Variants in UNKL observed in about 807,000 individuals in gnomAD.
UNKL encodes unk like zinc finger.
UNKL carries 60 observed loss-of-function variants against 78.0 expected under a neutral mutation model. That is an observed-to-expected ratio of 0.77 (90% CI 0.63 to 0.95). The LOEUF is 0.95. UNKL is among the 40% of genes least tolerant of loss of function. The probability of loss-of-function intolerance (pLI) is 0.00; values close to 1 mark genes in which losing one functional copy is unlikely to be tolerated. For synonymous variants in UNKL, 608 were observed against 474.8 expected (o/e 1.28, Z -3.65); for missense variants, 1,159 against 1,045.7 (o/e 1.11, Z -1.49).
At chr16:1,401,365 G>A (rs751081391) in intron 4 of UNKL, 18 of 531,592 alleles carry the variant, frequency 3.4e-5, no homozygotes, top group Non-Finnish European at 4.1e-5. Flanking sequence ...GAGCAGGTGC[G>A]GGGGAAGGCG....
intron 9 of UNKL, among the ~76,000 whole-genome samples, chr16:1,390,056 G>A (rs566638604): frequency 2.6e-5 from 4 of 152,204 alleles, no homozygotes; most frequent in South Asian, 2.1e-4. Context: ...GCACGATCTC[G>A]GCTCACTGCA....
Position 1,366,512 on chromosome 16 carries a change from CAG to C in UNKL, c.2047-119_2047-118del, listed in dbSNP as rs1050130359. Reference sequence around the variant, plus strand: ...TCTCAGGCCGCCCGGCCACCAGCTACAGAGACAGGGTCAGGGAGACGCCCCAG... The same window carrying C: ...TCTCAGGCCGCCCGGCCACCAGCTACAGACAGGGTCAGGGAGACGCCCCAG... On this transcript the variant is annotated intron_variant, in intron 14 of 14. Coordinates refer to ENST00000389221, the MANE Select transcript of UNKL (RefSeq NM_001372107.1). The C allele has an allele frequency of 3.8e-6, 5 of 1,327,726 alleles. No individual in the cohort carries two copies. The African/African-American group carries it at 7.4e-5, about 20-fold the overall frequency. 82.2% of individuals were successfully genotyped at this position (1,327,726 alleles called of 1,614,324 possible).
At chr16:1,395,830 T>C (rs1294581196) in intron 6 of UNKL, 2 of 441,818 alleles carry the variant, frequency 4.5e-6, no homozygotes, top group Admixed American at 4.8e-5. Context: ...CACCATTGAG[T>C]GTGTGGTCAC....
chr16:1,414,173 A>G (rs1041848410), intron 1 of UNKL, 118 bp from the exon 2 acceptor site: 131 of 1,039,416 alleles, frequency 1.3e-4, no homozygotes, highest in Non-Finnish European at 1.7e-4. Context: ...CCGTACTCAC[A>G]TTCCCGGCGG....
chr16:1,414,517 GGGGGGCGC>G, intron 1 of UNKL, 90 bp downstream of exon 1: 1 of 267,388 alleles, frequency 3.7e-6, no homozygotes, highest in Non-Finnish European at 5.8e-6. Flanking sequence ...CGCGGAGGCC[GGGGGGCGC>G]GGGGGCGGCG....
At chr16:1,367,498 CTCCCTCCCTCCCT>C in intron 13 of UNKL, 145 bp downstream of exon 13, 1 of 775,206 alleles carries the variant, frequency 1.3e-6, no homozygotes, top group Non-Finnish European at 1.9e-6. Context: ...CCCTCCCTCC[CTCCCTCCCTCCCT>C]CCCCCTCCCG....
intron 5 of UNKL, chr16:1,398,657 A>C: frequency 2.1e-6 from 3 of 1,426,960 alleles, no homozygotes; most frequent in Non-Finnish European, 2.8e-6. Flanking sequence ...TGGCCCAGGC[A>C]TCCAGACACC....
At chr16:1,367,499 TCCCTCCC>T in intron 13 of UNKL, 150 bp from the exon 14 acceptor site, 1 of 101,222 alleles carries the variant, frequency 9.9e-6, no homozygotes, top group Non-Finnish European at 1.4e-5. Context: ...CCTCCCTCCC[TCCCTCCC>T]TCCCTCCCCC....
chr16:1,371,671 T>C, intron 10 of UNKL, 60 bp from the exon 11 acceptor site: 1 of 1,506,028 alleles, frequency 6.6e-7, no homozygotes, highest in Non-Finnish European at 8.9e-7. Flanking sequence ...TCAGGAAGCC[T>C]AGCTGAGGAG....
At position 1,367,133 on chromosome 16, in the gene UNKL, G is replaced by A; in HGVS notation, c.2005C>T (p.Leu669=). 2 of 1,595,352 alleles carry A rather than the reference G, an allele frequency of 1.3e-6. No homozygotes were observed. The highest frequency in any genetic ancestry group is 1.7e-6 in the Non-Finnish European group (2 of 1,173,754). ...GTIPLPKLHS[L]QSQLRLDLEA... Reference sequence around the variant, plus strand: ...AGGTCCAGGCGCAGCTGACTCTGCAGCGAGTGCAGCTTCGGCAGGGGAATG... The same window carrying A: ...AGGTCCAGGCGCAGCTGACTCTGCAACGAGTGCAGCTTCGGCAGGGGAATG... Residue 669 remains leucine, a synonymous_variant, in exon 14 of 15, where the codon CTG becomes TTG. Transcript: ENST00000389221.
At chr16:1,378,342 G>A (rs540628031) in intron 10 of UNKL, among the ~76,000 whole-genome samples, 83 of 152,336 alleles carry the variant, frequency 5.4e-4, no homozygotes, top group African/African-American at 1.9e-3. Flanking sequence ...TCGGGAACCT[G>A]GACCTGCCCT....
In UNKL at chr16:1,370,212, G is replaced by A. The variant is rs2035688991; in HGVS notation, c.1503C>T (p.Ala501=). The A allele has an allele frequency of 2.0e-6, 3 of 1,529,926 alleles. No homozygotes were observed. The highest frequency in any genetic ancestry group is 1.4e-5 in the African/African-American group (1 of 72,654). 94.8% of individuals were successfully genotyped at this position (1,529,926 alleles called of 1,614,324 possible). A position where few individuals can be genotyped will look rare whatever the true frequency, so the allele number is the denominator to read the frequency against. ...GTGGCGGCTGCTGGGGAGGCGTCAT[G>A]GCTGAGGAGCCCACCGGCCCTGGGA... ...QPLPGPVGSS[A]MTPPQQPPPL... is the part of the protein sequence containing the mutation. The change falls in exon 12 of 15, where the codon GCC becomes GCT. Residue 501 remains alanine (A), a synonymous_variant. Coordinates refer to ENST00000389221, the MANE Select transcript of UNKL (RefSeq NM_001372107.1).
chr16:1,392,359 A>G (rs1052934007), intron 8 of UNKL, among the ~76,000 whole-genome samples: 1 of 151,752 alleles, frequency 6.6e-6, no homozygotes, highest in Non-Finnish European at 1.5e-5. Flanking sequence ...TGCATAACCA[A>G]CCTCACTGAA....
At chr16:1,379,313 G>T (rs1028722813) in intron 10 of UNKL, 1 of 205,472 alleles carries the variant, frequency 4.9e-6, no homozygotes, top group Non-Finnish European at 8.5e-6. Context: ...CTCCTGCCCC[G>T]CTCCGCTCCG....
Position 1,363,235 on chromosome 16 carries a change from C to G in UNKL, c.*3005G>C, listed in dbSNP as rs1279786739. ...TTCAAGGTTTTAATTAATTCCCATA[C>G]TGATAAAAATAACTCCATGAATTCT... On this transcript the variant is annotated 3_prime_UTR_variant, in exon 15 of 15. Transcript: ENST00000389221. 4 of 724,542 alleles carry G rather than the reference C, an allele frequency of 5.5e-6. No homozygotes were observed. The highest frequency in any genetic ancestry group is 9.7e-6 in the Non-Finnish European group (4 of 413,788). 44.9% of individuals were successfully genotyped at this position (724,542 alleles called of 1,614,324 possible).
intron 2 of UNKL, among the ~76,000 whole-genome samples, chr16:1,408,304 T>C (rs1298125578): frequency 6.6e-6 from 1 of 151,524 alleles, no homozygotes; most frequent in Non-Finnish European, 1.5e-5. Flanking sequence ...GGGGCGGGGC[T>C]TCACACGTGA....
intron 10 of UNKL, among the ~76,000 whole-genome samples, chr16:1,375,246 G>C (rs569025943): frequency 6.6e-6 from 1 of 152,234 alleles, no homozygotes; most frequent in Non-Finnish European, 1.5e-5. Context: ...ACTTCACCCC[G>C]AATCTGGCCG....
At position 1,414,687 on chromosome 16, in the gene UNKL, G is replaced by A. The variant is rs752597860; in HGVS notation, c.5C>T (p.Pro2Leu). The change falls in exon 1 of 15, where the codon CCG becomes CTG. Residue 2 changes from proline (P) to leucine (L), a missense_variant. By Grantham distance (98) the Pro-to-Leu change is moderately conservative (BLOSUM62 -3). Transcript: ENST00000389221. M[P>L]SVSKAAAAAL... ...CGCTGCCGCCGCTTTCGAAACCGAC[G>A]GCATTTTCAGTCAAAACAATGCAGC... 1.4e-5 allele frequency: 16 copies of A among 1,141,842 alleles called. No individual in the cohort carries two copies. Among genetic ancestry groups the A allele is most frequent in the African/African-American group, 5.0e-5 (3 of 59,438 alleles). The allele number at this position is 1,141,842 out of a possible 1,614,324, so 70.7% of individuals were successfully genotyped here. A position where few individuals can be genotyped will look rare whatever the true frequency, so the allele number is the denominator to read the frequency against.
chr16:1,371,998 T>G (rs1053991202), intron 10 of UNKL, among the ~76,000 whole-genome samples: 1 of 152,068 alleles, frequency 6.6e-6, no homozygotes, highest in Non-Finnish European at 1.5e-5. Context: ...GGCTCACACC[T>G]GTAATCCCAG....
Sources: gnomAD v4.1 joint callset for allele counts (sites outside exome capture counted in the v4.1 genomes callset) on GRCh38, gnomAD v4.1.1 for gene constraint, MANE v1.5 for transcripts, NCBI Gene and HGNC (gene_info 2026-07-23, HGNC 2026-07-21) for gene names.